The following TUB variants were observed in gnomAD, a reference collection of about 807,000 sequenced individuals.
The protein encoded by TUB is tubby protein homolog.
In TUB, 33 loss-of-function variants were observed where a neutral mutation model predicts 59.7. The ratio of observed to expected loss-of-function variants is 0.55; its 90% CI spans 0.42 to 0.74. The LOEUF is 0.74. TUB is among the 30% of genes least tolerant of loss of function. The pLI, the probability that TUB is intolerant of heterozygous loss-of-function variation, is 0.00. For synonymous variants in TUB, 293 were observed against 256.4 expected (o/e 1.14, Z -1.36); for missense variants, 659 against 672.0 (o/e 0.98, Z 0.21).
At chr11:8,071,804 C>T (rs1943364877) in intron 2 of TUB, among the ~76,000 whole-genome samples, 1 of 152,248 alleles carries the variant, frequency 6.6e-6, no homozygotes, top group South Asian at 2.1e-4. Context: ...TAGAGGAACA[C>T]ACAGTGGCCC....
chr11:8,079,970 G>T (rs1943514756), upstream of TUB, among the ~76,000 whole-genome samples: 1 of 152,138 alleles, frequency 6.6e-6, no homozygotes, highest in South Asian at 2.1e-4. Flanking sequence ...AGCTCCTGAC[G>T]CCCAGCAAAT....
At chr11:8,059,267 C>T (rs938710147) in intron 2 of TUB, among the ~76,000 whole-genome samples, 5 of 152,136 alleles carry the variant, frequency 3.3e-5, no homozygotes, top group South Asian at 2.1e-4. Context: ...AGGAAGAAGA[C>T]GTGGTCACTG....
intron 7 of TUB, 120 bp downstream of exon 7, chr11:8,097,545 C>T (rs1480277101): frequency 7.1e-7 from 1 of 1,417,106 alleles, no homozygotes; most frequent in Non-Finnish European, 9.8e-7. Flanking sequence ...AAAGAAACTG[C>T]CTTCGTGTCT....
chr11:8,019,653 C>T (rs1252187989), intron 1 of TUB, among the ~76,000 whole-genome samples: 2 of 152,218 alleles, frequency 1.3e-5, no homozygotes, highest in Non-Finnish European at 2.9e-5. Flanking sequence ...CAGGGTCGCT[C>T]CGCCGGGGGA....
exon 1 of TUB, chr11:8,038,663 T>C (rs1018110779): frequency 4.0e-5 from 54 of 1,363,102 alleles, no homozygotes; most frequent in Non-Finnish European, 4.8e-5. Flanking sequence ...CTGAAGGGTT[T>C]GGGGGGAGAC....
chr11:8,101,581 GCC>G lies in TUB; in HGVS notation c.1485_1486del (p.Leu496ValfsTer47). 6.2e-7 allele frequency: 1 copy of G among 1,614,224 alleles called. No homozygotes were observed. The highest frequency in any genetic ancestry group is 1.3e-5 in the African/African-American group (1 of 75,068). ...PLCALQAFAIALSSFDSKLAC... is the reference protein window; with the variant it reads ...PLCALQAFAIXLSSFDSKLAC... ...GTGTGCACTGCAGGCCTTTGCCATTGCCCTGTCCAGCTTCGACAGCAAGCTGG... is the reference window on the plus strand; with the variant it reads ...GTGTGCACTGCAGGCCTTTGCCATTGCTGTCCAGCTTCGACAGCAAGCTGG... On this transcript the variant is annotated frameshift_variant, in exon 12 of 12. Transcript: ENST00000299506. LOFTEE classifies it high-confidence loss of function.
exon 1 of TUB, chr11:8,039,009 C>A (rs139435715): frequency 6.2e-7 from 1 of 1,613,360 alleles, no homozygotes; most frequent in Non-Finnish European, 8.5e-7. Context: ...GCCCCTGAAA[C>A]GGGGCCACCG....
chr11:8,065,628 G>T (rs1022143646), intron 2 of TUB, among the ~76,000 whole-genome samples: 1 of 152,188 alleles, frequency 6.6e-6, no homozygotes, highest in Non-Finnish European at 1.5e-5. Flanking sequence ...AGAGTTGAGT[G>T]TATCTGTGGG....
chr11:8,101,141 T>C, intron 11 of TUB, 144 bp downstream of exon 11: 3 of 1,041,530 alleles, frequency 2.9e-6, no homozygotes, highest in Non-Finnish European at 4.1e-6. Flanking sequence ...TGGAACTTTC[T>C]AACCCTAATG....
rs77216230 is a variant in TUB at position 8,082,579 on chromosome 11, C to G, written c.38+1031C>G. Among the ~76,000 whole-genome samples the G allele has an allele frequency of 3.2e-4, 48 of 152,308 alleles. No individual in the cohort carries two copies. The East Asian group carries it at 8.9e-3, about 28-fold the overall frequency. ...AAGGCCCACTGTGTTATTGTCGACC[C>G]AGGTGCACGTGCTAGCGGACGGCAG... On this transcript the variant is annotated intron_variant, in intron 1 of 11. Coordinates refer to ENST00000299506, the MANE Select transcript of TUB (RefSeq NM_177972.3).
upstream of TUB, among the ~76,000 whole-genome samples, chr11:8,080,477 T>C (rs759569305): frequency 2.0e-5 from 3 of 152,218 alleles, no homozygotes; most frequent in Non-Finnish European, 2.9e-5. Context: ...TCCGGTCAAC[T>C]GCGCCCCTTA....
intron 1 of TUB, among the ~76,000 whole-genome samples, chr11:8,082,561 A>C (rs531523285): frequency 3.3e-5 from 5 of 152,206 alleles, no homozygotes; most frequent in Non-Finnish European, 5.9e-5. Flanking sequence ...CCTAAGGCCC[A>C]CTGTGTTATT....
intron 2 of TUB, among the ~76,000 whole-genome samples, chr11:8,062,903 T>C (rs1320015993): frequency 1.3e-5 from 2 of 152,118 alleles, no homozygotes; most frequent in African/African-American, 4.8e-5. Flanking sequence ...CTGGAAGGTG[T>C]TCAGGTCATC....
At chr11:8,029,769 A>G (rs568944847) in intron 1 of TUB, among the ~76,000 whole-genome samples, 1 of 152,126 alleles carries the variant, frequency 6.6e-6, no homozygotes, top group Admixed American at 6.5e-5. Context: ...AGGAAAGGCC[A>G]GGGTGGAGGG....
chr11:8,041,522 A>C (rs1475731203), intron 2 of TUB, among the ~76,000 whole-genome samples: 1 of 152,170 alleles, frequency 6.6e-6, no homozygotes, highest in Non-Finnish European at 1.5e-5. Flanking sequence ...GTTGAAGAAT[A>C]TCATCTCCAT....
intron 1 of TUB, among the ~76,000 whole-genome samples, chr11:8,089,287 T>G (rs765956203): frequency 1.8e-4 from 27 of 152,130 alleles, no homozygotes; most frequent in Non-Finnish European, 2.8e-4. Flanking sequence ...CTGGGATGCC[T>G]CTGGATAGTT....
At position 8,054,294 on chromosome 11, in the gene TUB, TTTTAA is replaced by T. The variant is rs559904316; in HGVS notation, c.203+14607_203+14611del. On this transcript the variant is annotated intron_variant, in intron 2 of 12. Coordinates refer to the TUB transcript ENST00000305253. Reference sequence around the variant, plus strand: ...TCTAGAAAGTTCATTGTGTTGAGATTTTTAATTTATTAGTCTAGAAATATAGTAAG... The same window carrying T: ...TCTAGAAAGTTCATTGTGTTGAGATTTTTATTAGTCTAGAAATATAGTAAG... 1.3e-3 allele frequency among the ~76,000 whole-genome samples: 191 copies of T among 152,336 alleles called. 1 individual carries two copies. The highest frequency in any genetic ancestry group is 4.2e-3 in the African/African-American group (176 of 41,578).
intron 2 of TUB, chr11:8,075,887 C>T (rs3794018): frequency 0.69 from 105,198 of 152,136 alleles, 37,940 homozygotes; most frequent in African/African-American, 0.92. Flanking sequence ...AGGTCTTCAA[C>T]GACTGTACTC....
chr11:8,097,897 C>T, intron 8 of TUB, 71 bp downstream of exon 8: 1 of 1,151,702 alleles, frequency 8.7e-7, no homozygotes, highest in Non-Finnish European at 1.3e-6. Context: ...TGTAGAGGGC[C>T]TGAATCTTCC....
Sources: gnomAD v4.1 joint callset for allele counts (sites outside exome capture counted in the v4.1 genomes callset) on GRCh38, gnomAD v4.1.1 for gene constraint, MANE v1.5 for transcripts, NCBI Gene and HGNC (gene_info 2026-07-23, HGNC 2026-07-21) for gene names.